Variants in SLCO5A1 observed in about 807,000 individuals in gnomAD.
SLCO5A1 encodes solute carrier organic anion transporter family member 5A1, also known as organic anion transporter polypeptide-related protein 4.
Under a neutral mutation model 65.1 loss-of-function variants are expected in SLCO5A1, and 39 were observed. That is an observed-to-expected ratio of 0.60 (90% CI 0.46 to 0.78). The LOEUF (loss-of-function observed/expected upper bound fraction) is 0.78, where lower values mean the gene tolerates loss of function less well. SLCO5A1 is among the 30% of genes least tolerant of loss of function. SLCO5A1 has a pLI of 0.00. For missense variants in SLCO5A1, 1,029 were observed against 1,069.4 expected (o/e 0.96, Z 0.53); for synonymous variants, 438 against 415.7 (o/e 1.05, Z -0.65).
intron 4 of SLCO5A1, among the ~76,000 whole-genome samples, chr8:69,747,001 G>A (rs1817061778): frequency 6.6e-6 from 1 of 152,076 alleles, no homozygotes; most frequent in South Asian, 2.1e-4. Flanking sequence ...CAGACAACTG[G>A]AGATCATCCT....
chr8:69,682,921 C>T (rs1389791697), intron 6 of SLCO5A1, among the ~76,000 whole-genome samples: 1 of 152,296 alleles, frequency 6.6e-6, no homozygotes, highest in African/African-American at 2.4e-5. Flanking sequence ...TTAGGAATCA[C>T]ATTGCTAGTT....
intron 9 of SLCO5A1, among the ~76,000 whole-genome samples, chr8:69,675,531 G>GT (rs1422122783): frequency 3.3e-5 from 5 of 151,686 alleles, no homozygotes; most frequent in Admixed American, 6.6e-5. Flanking sequence ...TAAACAGCAT[G>GT]TTTTTTAAAA....
chr8:69,832,481 C>G lies in SLCO5A1; in HGVS notation c.193G>C (p.Asp65His). The G allele has an allele frequency of 6.2e-7, 1 of 1,612,496 alleles. No homozygotes were observed. Among genetic ancestry groups the G allele is most frequent in the Non-Finnish European group, 8.5e-7 (1 of 1,179,362 alleles). ...GDANPAFGCV[D>H]SSGHQELKQG... The stretch of plus-strand genomic sequence containing the variant: ...TTCAACTCCTGGTGGCCCGAAGAAT[C>G]CACACAGCCAAAGGCCGGGTTGGCG... Residue 65 changes from aspartate to histidine, a missense_variant, in exon 2 of 10, where the codon GAT becomes CAT. Asp to His is a moderately conservative substitution (Grantham distance 81, BLOSUM62 -1). Coordinates refer to ENST00000260126, the MANE Select transcript of SLCO5A1 (RefSeq NM_030958.3). This position sits in a 1 kb window ranked among gnomAD's most constrained non-coding sequence, Gnocchi z 4.5.
intron 2 of SLCO5A1, among the ~76,000 whole-genome samples, chr8:69,806,598 G>T (rs766597447): frequency 6.6e-6 from 1 of 152,168 alleles, no homozygotes; most frequent in Non-Finnish European, 1.5e-5. Context: ...AGAGGAACAC[G>T]TGCAGGAGCA....
intron 4 of SLCO5A1, among the ~76,000 whole-genome samples, chr8:69,750,833 T>C (rs192100319): frequency 3.3e-5 from 5 of 152,328 alleles, no homozygotes; most frequent in African/African-American, 1.2e-4. Flanking sequence ...CTCAGTGGAC[T>C]CTAAGCTCTT....
intron 4 of SLCO5A1, among the ~76,000 whole-genome samples, chr8:69,742,019 G>T (rs978379536): frequency 3.3e-5 from 5 of 152,156 alleles, no homozygotes; most frequent in African/African-American, 1.2e-4. Flanking sequence ...AATGTGAATT[G>T]CCTGATTCTT....
intron 4 of SLCO5A1, among the ~76,000 whole-genome samples, chr8:69,750,515 C>G (rs1246600227): frequency 6.6e-6 from 1 of 152,136 alleles, no homozygotes; most frequent in Non-Finnish European, 1.5e-5. Context: ...CCAACCTCAT[C>G]TCCCAGGCCT....
chr8:69,771,291 A>G (rs769141496), intron 2 of SLCO5A1, among the ~76,000 whole-genome samples: 2 of 152,158 alleles, frequency 1.3e-5, no homozygotes, highest in Non-Finnish European at 2.9e-5. Flanking sequence ...ACCTGATCTT[A>G]CATCATTTTA....
At chr8:69,687,473 C>T (rs1452932917) in intron 6 of SLCO5A1, among the ~76,000 whole-genome samples, 2 of 152,196 alleles carry the variant, frequency 1.3e-5, no homozygotes, top group African/African-American at 4.8e-5. Flanking sequence ...TTGAAACTTA[C>T]ATGTAATAAC....
At chr8:69,782,759 G>A (rs369469976) in intron 2 of SLCO5A1, among the ~76,000 whole-genome samples, 113 of 152,092 alleles carry the variant, frequency 7.4e-4, no homozygotes, top group African/African-American at 2.4e-3. Context: ...AGGTGTAGTC[G>A]TCTACAGTCT....
chr8:69,710,856 A>C (rs1815210050), intron 5 of SLCO5A1, among the ~76,000 whole-genome samples: 1 of 152,162 alleles, frequency 6.6e-6, no homozygotes, highest in African/African-American at 2.4e-5. Context: ...ATCTCGCTGC[A>C]CTATCAAAAC....
chr8:69,833,449 T>C (rs1208850586), intron 1 of SLCO5A1: 4 of 152,284 alleles, frequency 2.6e-5, no homozygotes, highest in Admixed American at 1.3e-4. Flanking sequence ...TGCTTTTATA[T>C]GTTAATAATT....
chr8:69,672,810 T>C lies in SLCO5A1; in HGVS notation c.*59A>G. ...AAAGAAAGAAAAGAAGGCACAGTTG[T>C]TTCTCAAGTCGCCATTTTCAATTCA... On this transcript the variant is annotated 3_prime_UTR_variant, in exon 10 of 10. Transcript: ENST00000260126. 1 of 1,529,518 alleles carries C rather than the reference T, an allele frequency of 6.5e-7. No individual in the cohort carries two copies. The highest frequency in any genetic ancestry group is 1.4e-5 in the African/African-American group (1 of 72,022). 94.7% of individuals were successfully genotyped at this position (1,529,518 alleles called of 1,614,324 possible). A position where few individuals can be genotyped will look rare whatever the true frequency, so the allele number is the denominator to read the frequency against.
intron 2 of SLCO5A1, among the ~76,000 whole-genome samples, chr8:69,769,250 C>A (rs1402494702): frequency 1.3e-5 from 2 of 152,202 alleles, no homozygotes; most frequent in African/African-American, 4.8e-5. Context: ...GCACTGCCCA[C>A]TTTATTATGT....
chr8:69,684,024 C>T (rs1235984855), intron 6 of SLCO5A1, among the ~76,000 whole-genome samples: 1 of 152,066 alleles, frequency 6.6e-6, no homozygotes, highest in African/African-American at 2.4e-5. Flanking sequence ...AAATTCAAAA[C>T]AATATTAAAG....
In SLCO5A1 at chr8:69,779,605, A is replaced by G. The variant is rs1586790892; in HGVS notation, c.908-17730T>C. Among the ~76,000 whole-genome samples, 3 of 152,228 alleles carry G rather than the reference A, an allele frequency of 2.0e-5. No homozygotes were observed. The East Asian group carries it at 5.8e-4, about 29-fold the overall frequency. On this transcript the variant is annotated intron_variant, in intron 2 of 9. Coordinates refer to ENST00000260126, the MANE Select transcript of SLCO5A1 (RefSeq NM_030958.3). ...ATTACTTGTGCCATCAACACTAACA[A>G]CCTTATGGAAAAAAGCATACTGTCA...
At chr8:69,784,835 GAAA>G (rs1427166557) in intron 2 of SLCO5A1, among the ~76,000 whole-genome samples, 34 of 129,632 alleles carry the variant, frequency 2.6e-4, no homozygotes, top group Non-Finnish European at 4.6e-4. Context: ...AAGAAAGAAA[GAAA>G]GAAAGAAAGA....
At chr8:69,680,549 C>T (rs1475032443) in intron 7 of SLCO5A1, among the ~76,000 whole-genome samples, 1 of 152,178 alleles carries the variant, frequency 6.6e-6, no homozygotes, top group Non-Finnish European at 1.5e-5. Context: ...GAGCACCTAG[C>T]TTGATTCCAT....
At chr8:69,721,700 AACTT>A (rs1815822709) in intron 5 of SLCO5A1, among the ~76,000 whole-genome samples, 1 of 152,198 alleles carries the variant, frequency 6.6e-6, no homozygotes, top group South Asian at 2.1e-4. Context: ...TATTTATAGA[AACTT>A]ACTTCAGGAT....
Sources: gnomAD v4.1 joint callset for allele counts (sites outside exome capture counted in the v4.1 genomes callset) on GRCh38, gnomAD v4.1.1 for gene constraint, Gnocchi (gnomAD v3.1) non-coding constraint, MANE v1.5 for transcripts, NCBI Gene and HGNC (gene_info 2026-07-23, HGNC 2026-07-21) for gene names.